AGAP3: variants seen among roughly 807,000 people sequenced by gnomAD.
AGAP3 encodes the protein arf-GAP with GTPase, ANK repeat and PH domain-containing protein 3.
AGAP3 carries 24 observed loss-of-function variants against 96.9 expected under a neutral mutation model. That is an observed-to-expected ratio of 0.25 (90% confidence interval 0.18 to 0.35). AGAP3 has a LOEUF of 0.35. Among genes scored for constraint, AGAP3 ranks in the 10% least tolerant of loss-of-function variants. AGAP3 has a pLI of 1.00. For missense variants in AGAP3, 876 were observed against 1,254.2 expected (o/e 0.70, Z 4.55); for synonymous variants, 563 against 536.1 (o/e 1.05, Z -0.69).
At chr7:151,125,328 C>T (rs1475729237) in intron 9 of AGAP3, among the ~76,000 whole-genome samples, 1 of 152,246 alleles carries the variant, frequency 6.6e-6, no homozygotes, top group African/African-American at 2.4e-5. Flanking sequence ...TATTTGTTCC[C>T]TGAATCCCTC....
At chr7:151,100,548 C>T (rs760332548) in intron 1 of AGAP3, among the ~76,000 whole-genome samples, 8 of 152,168 alleles carry the variant, frequency 5.3e-5, no homozygotes, top group Non-Finnish European at 8.8e-5. Context: ...AAATTAAGGC[C>T]GGGCCGGGCA....
chr7:151,088,877 G>A (rs928793612), intron 1 of AGAP3, among the ~76,000 whole-genome samples: 8 of 152,086 alleles, frequency 5.3e-5, no homozygotes, highest in African/African-American at 1.5e-4. Flanking sequence ...TCCCCTGACC[G>A]ACTTCTCCAT....
rs1050388767 is a variant in AGAP3, at chr7:151,140,738, G to GGAGCA, written c.1804+626_1804+630dup. Reference sequence around the variant, plus strand: ...CATCAGGGTAGACGTATGGGTCAGGGGAGCAGAGACACCTAGCCAACCTGT... The same window carrying GGAGCA: ...CATCAGGGTAGACGTATGGGTCAGGGGAGCAGAGCAGAGACACCTAGCCAACCTGT... On this transcript the variant is annotated intron_variant, in intron 13 of 17. Transcript: ENST00000397238. This position sits in a 1 kb window ranked among gnomAD's most constrained non-coding sequence, Gnocchi z 5.4. 6.6e-6 allele frequency: 1 copy of GGAGCA among 152,136 alleles called. No individual in the cohort carries two copies. Among genetic ancestry groups the GGAGCA allele is most frequent in the African/African-American group, 2.4e-5 (1 of 41,402 alleles). The allele number at this position is 152,136 out of a possible 1,614,324, so 9.4% of individuals were successfully genotyped here.
At chr7:151,103,137 T>C (rs1798900984) in intron 1 of AGAP3, among the ~76,000 whole-genome samples, 1 of 152,236 alleles carries the variant, frequency 6.6e-6, no homozygotes, top group African/African-American at 2.4e-5. Context: ...CGTGCCCTTC[T>C]CGTATTCCTG....
At position 151,136,064 on chromosome 7, in the gene AGAP3, T is replaced by C. The variant is rs559361283; in HGVS notation, c.1495+1496T>C. 1.4e-4 allele frequency among the ~76,000 whole-genome samples: 21 copies of C among 152,318 alleles called. No homozygotes were observed. In the East Asian group the frequency reaches 3.1e-3, roughly 22 times the overall value. ...CTGCCGTGGGGTTGTACTGGCCTGA[T>C]GGCAGGTCACATGCAGTCTTCAGTG... On this transcript the variant is annotated intron_variant, in intron 11 of 17. Transcript: ENST00000397238.
chr7:151,117,069 C>T (rs1191815726), intron 2 of AGAP3, 26 bp from the exon 3 acceptor site: 1 of 1,608,338 alleles, frequency 6.2e-7, no homozygotes, highest in East Asian at 2.2e-5. Flanking sequence ...TGCCCTCTGA[C>T]CCACTCACCC....
At chr7:151,111,582 C>T (rs1234039781) in intron 1 of AGAP3, among the ~76,000 whole-genome samples, 3 of 152,012 alleles carry the variant, frequency 2.0e-5, no homozygotes, top group African/African-American at 7.3e-5. Context: ...CCCCCCGGCC[C>T]CTCACCCCCC....
In AGAP3 at chr7:151,087,087, G is replaced by C; in HGVS notation, c.331+15G>C. On this transcript the variant is annotated intron_variant, in intron 1 of 17. Transcript: ENST00000397238. Reference sequence around the variant, plus strand: ...CTCCATCGAGGGTGAGCGGAGCCGGGGGCTGCGGGAGCCGGGGCGCAGTGG... The same window carrying C: ...CTCCATCGAGGGTGAGCGGAGCCGGCGGCTGCGGGAGCCGGGGCGCAGTGG... 6.3e-7 allele frequency: 1 copy of C among 1,581,788 alleles called. No individual in the cohort carries two copies. The highest frequency in any genetic ancestry group is 8.6e-7 in the Non-Finnish European group (1 of 1,163,910).
rs115440395 is a variant in AGAP3 at position 151,107,486 on chromosome 7, C to T, written c.332-9307C>T. ...AAAAAAAATACTAAACCTAGCTGGG[C>T]GAGGTGGCACACCTGTAGTCCCAGC... On this transcript the variant is annotated intron_variant, in intron 1 of 17. Transcript: ENST00000397238. Among the ~76,000 whole-genome samples the T allele has an allele frequency of 7.9e-3, 1,194 of 151,094 alleles. 16 individuals are homozygous for T. The highest frequency in any genetic ancestry group is 0.027 in the African/African-American group (1,121 of 41,068).
intron 8 of AGAP3, chr7:151,123,081 C>T (rs1310338502): frequency 4.1e-6 from 5 of 1,214,402 alleles, no homozygotes; most frequent in African/African-American, 1.6e-5. Context: ...CCCAGAGGGG[C>T]GGGGGAGTCC....
At chr7:151,092,620 A>G (rs1798444083) in intron 1 of AGAP3, among the ~76,000 whole-genome samples, 2 of 152,212 alleles carry the variant, frequency 1.3e-5, no homozygotes, top group African/African-American at 4.8e-5. Context: ...GAGGCTTTGC[A>G]ACACTTTGCA....
At chr7:151,110,558 G>A (rs577620894) in intron 1 of AGAP3, among the ~76,000 whole-genome samples, 1 of 152,330 alleles carries the variant, frequency 6.6e-6, no homozygotes, top group African/African-American at 2.4e-5. Context: ...CAGCTGGAGA[G>A]CCATTGCAGG....
At chr7:151,124,605 C>T (rs989914219) in intron 9 of AGAP3, among the ~76,000 whole-genome samples, 3 of 152,208 alleles carry the variant, frequency 2.0e-5, no homozygotes, top group Non-Finnish European at 4.4e-5. Context: ...AGGCCATGTA[C>T]ATAGGCAGCC....
Position 151,142,596 on chromosome 7 carries a change from C to T in AGAP3, c.2235C>T (p.Ala745=). ...TCGCCAACAGCGTCTGGGAGGGGGC[C>T]TTGGGTGGCTACTCCAAGCCAGGGC... ...NALANSVWEG[A]LGGYSKPGPD... Residue 745 remains alanine, a synonymous_variant, in exon 16 of 18, where the codon GCC becomes GCT. Transcript: ENST00000397238. This position sits in a 1 kb window ranked among gnomAD's most constrained non-coding sequence, Gnocchi z 7.5. 6.2e-7 allele frequency: 1 copy of T among 1,613,306 alleles called. No individual in the cohort carries two copies.
chr7:151,096,554 C>T lies in AGAP3; in HGVS notation c.331+9482C>T, dbSNP rs931641504. Among the ~76,000 whole-genome samples, 1 of 151,810 alleles carries T rather than the reference C, an allele frequency of 6.6e-6. No individual in the cohort carries two copies. On this transcript the variant is annotated intron_variant, in intron 1 of 17. Transcript: ENST00000397238. The surrounding 1 kb of genome is among the most constrained non-coding windows in gnomAD (Gnocchi z 4.4). ...GTGGCGCGATCTCGGCTCACTGCAA[C>T]CTCTGCCTCCCAGGTTCACGCCATT... is the stretch of plus-strand genomic sequence containing the variant.
chr7:151,117,009 C>T (rs1799622668), intron 2 of AGAP3, 86 bp from the exon 3 acceptor site: 3 of 1,501,100 alleles, frequency 2.0e-6, no homozygotes, highest in Non-Finnish European at 1.8e-6. Flanking sequence ...GCCTTTCTCC[C>T]TCCTGCTGCT....
At chr7:151,087,651 G>C (rs1157933002) in intron 1 of AGAP3, among the ~76,000 whole-genome samples, 1 of 152,214 alleles carries the variant, frequency 6.6e-6, no homozygotes, top group East Asian at 1.9e-4. Context: ...AGGTCCATCC[G>C]CGCTTTGGCC....
chr7:151,123,099 C>A, intron 8 of AGAP3: 1 of 1,156,204 alleles, frequency 8.6e-7, no homozygotes, highest in South Asian at 2.8e-5. Context: ...TCCAAGCCCG[C>A]CCGGCCCGGC....
At chr7:151,104,623 G>A (rs1798968039) in intron 1 of AGAP3, among the ~76,000 whole-genome samples, 1 of 152,228 alleles carries the variant, frequency 6.6e-6, no homozygotes, top group South Asian at 2.1e-4. Context: ...TTCCCCGGTT[G>A]GAAGAGCAGA....
Sources: allele counts gnomAD v4.1 joint callset (sites outside exome capture counted in the v4.1 genomes callset), GRCh38; gene constraint gnomAD v4.1.1; non-coding constraint Gnocchi (gnomAD v3.1); transcripts MANE v1.5; gene names NCBI Gene and HGNC (gene_info 2026-07-23, HGNC 2026-07-21).